Variants in FAM193A observed in about 807,000 individuals in gnomAD.
FAM193A encodes family with sequence similarity 193 member A.
FAM193A carries 22 observed loss-of-function variants against 126.5 expected under a neutral mutation model. The ratio of observed to expected loss-of-function variants is 0.17; its 90% confidence interval spans 0.12 to 0.25. The LOEUF (loss-of-function observed/expected upper bound fraction) is 0.25, where lower values mean the gene tolerates loss of function less well. FAM193A is among the 10% of genes least tolerant of loss of function. The pLI is 1.00. For synonymous variants in FAM193A, 761 were observed against 646.8 expected (o/e 1.18, Z -2.68); for missense variants, 1,675 against 1,672.8 (o/e 1.00, Z -0.02).
At chr4:2,547,979 T>G (rs1737672267) in intron 1 of FAM193A, among the ~76,000 whole-genome samples, 1 of 152,008 alleles carries the variant, frequency 6.6e-6, no homozygotes, top group South Asian at 2.1e-4. Context: ...AATTTGCATC[T>G]CCCTGGTGCC....
intron 1 of FAM193A, among the ~76,000 whole-genome samples, chr4:2,553,646 T>C (rs1322146541): frequency 6.6e-6 from 1 of 152,188 alleles, no homozygotes; most frequent in Non-Finnish European, 1.5e-5. Flanking sequence ...TCCAAAGTGC[T>C]GGGATTACAG....
intron 19 of FAM193A, among the ~76,000 whole-genome samples, chr4:2,707,545 G>C (rs548691442): frequency 1.3e-5 from 2 of 151,972 alleles, no homozygotes; most frequent in South Asian, 4.1e-4. Context: ...AAATATCTCA[G>C]TATAATTTTT....
intron 1 of FAM193A, among the ~76,000 whole-genome samples, chr4:2,559,770 C>G (rs1440403304): frequency 6.6e-6 from 1 of 152,194 alleles, no homozygotes; most frequent in Non-Finnish European, 1.5e-5. Flanking sequence ...TCCTGCCAGA[C>G]TCCGGCTGCA....
chr4:2,613,090 A>G (rs1741974317), intron 2 of FAM193A, among the ~76,000 whole-genome samples: 1 of 152,116 alleles, frequency 6.6e-6, no homozygotes, highest in Admixed American at 6.6e-5. Flanking sequence ...ATTTAAGTTT[A>G]TTTTCAGCAT....
chr4:2,661,669 C>T (rs1200959725), intron 10 of FAM193A, among the ~76,000 whole-genome samples: 4 of 152,116 alleles, frequency 2.6e-5, no homozygotes, highest in African/African-American at 9.7e-5. Context: ...TTTGGTAGTC[C>T]TGGACACTCT....
At chr4:2,579,531 C>G (rs1335889835) in intron 1 of FAM193A, among the ~76,000 whole-genome samples, 4 of 151,980 alleles carry the variant, frequency 2.6e-5, no homozygotes, top group Non-Finnish European at 4.4e-5. Flanking sequence ...GGTCCTTTCT[C>G]TACAAAAAAT....
At chr4:2,617,223 T>G (rs1742246279) in intron 2 of FAM193A, among the ~76,000 whole-genome samples, 1 of 121,708 alleles carries the variant, frequency 8.2e-6, no homozygotes, top group Admixed American at 7.9e-5. Context: ...CATGTATTGG[T>G]CAGAAGTATG....
At chr4:2,633,543 A>T (rs1457439062) in intron 5 of FAM193A, among the ~76,000 whole-genome samples, 2 of 152,002 alleles carry the variant, frequency 1.3e-5, no homozygotes, top group Non-Finnish European at 2.9e-5. Flanking sequence ...GGTCCAGCAG[A>T]CTAGATACCC....
At chr4:2,604,791 C>CTTTTTTT (rs869148370) in intron 2 of FAM193A, among the ~76,000 whole-genome samples, 47 of 99,584 alleles carry the variant, frequency 4.7e-4, no homozygotes, top group Non-Finnish European at 7.4e-4. Context: ...TTTCTTTTTC[C>CTTTTTTT]TTTTTTTTTT....
At chr4:2,555,344 T>C (rs532381894) in intron 1 of FAM193A, among the ~76,000 whole-genome samples, 1 of 152,212 alleles carries the variant, frequency 6.6e-6, no homozygotes, top group Admixed American at 6.5e-5. Flanking sequence ...CTGGGCTCTA[T>C]GGCTCACACC....
chr4:2,649,923 C>T (rs143107929), intron 7 of FAM193A, among the ~76,000 whole-genome samples: 65 of 152,264 alleles, frequency 4.3e-4, no homozygotes, highest in Admixed American at 2.8e-3. Flanking sequence ...TTCTCATGTC[C>T]GATCAGCAGA....
At chr4:2,567,330 A>G (rs939875868) in intron 1 of FAM193A, among the ~76,000 whole-genome samples, 2 of 152,208 alleles carry the variant, frequency 1.3e-5, no homozygotes, top group African/African-American at 4.8e-5. Flanking sequence ...ACCAGTTTTC[A>G]TAATTTAGCA....
intron 1 of FAM193A, among the ~76,000 whole-genome samples, chr4:2,540,925 C>T (rs1224108020): frequency 6.7e-6 from 1 of 149,922 alleles, no homozygotes; most frequent in Non-Finnish European, 1.5e-5. Context: ...CACATCACTA[C>T]ACTCTAGCCT....
intron 19 of FAM193A, chr4:2,715,464 T>C: frequency 1.0e-6 from 1 of 984,386 alleles, no homozygotes. Context: ...AAGAAAAAAG[T>C]TTTTGATGAA....
intron 5 of FAM193A, among the ~76,000 whole-genome samples, chr4:2,634,248 G>C (rs1743880939): frequency 6.6e-6 from 1 of 152,212 alleles, no homozygotes; most frequent in African/African-American, 2.4e-5. Context: ...ACATGAGCTG[G>C]AGTGTGAATA....
intron 13 of FAM193A, among the ~76,000 whole-genome samples, chr4:2,683,120 G>C (rs1358235643): frequency 6.6e-6 from 1 of 152,076 alleles, no homozygotes; most frequent in African/African-American, 2.4e-5. Flanking sequence ...TTCTAGGTTG[G>C]TGGTTTTTTT....
intron 1 of FAM193A, among the ~76,000 whole-genome samples, chr4:2,556,779 C>G (rs1039205197): frequency 6.6e-6 from 1 of 152,172 alleles, no homozygotes; most frequent in Admixed American, 6.5e-5. Context: ...AGGAAATTGA[C>G]TTTTTCCCTT....
chr4:2,670,907 C>T (rs1282496229), intron 12 of FAM193A, among the ~76,000 whole-genome samples: 1 of 152,042 alleles, frequency 6.6e-6, no homozygotes, highest in African/African-American at 2.4e-5. Flanking sequence ...TTTGTTATTT[C>T]CTGGGCTTCA....
chr4:2,669,889 G>A (rs1307382932), intron 12 of FAM193A, among the ~76,000 whole-genome samples: 2 of 152,196 alleles, frequency 1.3e-5, no homozygotes, highest in Non-Finnish European at 2.9e-5. Flanking sequence ...GCTGCAGGAA[G>A]CCTTAGGTGG....
Sources: gnomAD v4.1 joint callset for allele counts (sites outside exome capture counted in the v4.1 genomes callset) on GRCh38, gnomAD v4.1.1 for gene constraint, MANE v1.5 for transcripts, NCBI Gene and HGNC (gene_info 2026-07-23, HGNC 2026-07-21) for gene names.